The following PDE1A variants were observed in gnomAD, a reference collection of about 807,000 sequenced individuals.
The protein encoded by PDE1A is dual specificity calcium/calmodulin-dependent 3',5'-cyclic nucleotide phosphodiesterase 1A.
A neutral mutation model predicts 61.7 loss-of-function variants in PDE1A; 35 were observed. The ratio of observed to expected loss-of-function variants is 0.57; its 90% CI spans 0.43 to 0.75. The LOEUF (loss-of-function observed/expected upper bound fraction) is 0.75, where lower values mean the gene tolerates loss of function less well. Ranked by LOEUF, PDE1A falls within the 30% of genes least tolerant of loss-of-function variation. PDE1A has a pLI of 0.00. For missense variants in PDE1A, 597 were observed against 630.6 expected, an observed-to-expected ratio of 0.95 and a Z score of 0.57; for synonymous variants, 232 against 213.2, an observed-to-expected ratio of 1.09 and a Z score of -0.77.
chr2:182,483,134 T>C (rs964101834), intron 2 of PDE1A, among the ~76,000 whole-genome samples: 3 of 151,864 alleles, frequency 2.0e-5, no homozygotes, highest in African/African-American at 4.8e-5. Context: ...CAGGACAATA[T>C]AGCAATCATA....
intron 1 of PDE1A, among the ~76,000 whole-genome samples, chr2:182,402,027 CACAA>C (rs1702028558): frequency 1.3e-5 from 2 of 152,164 alleles, no homozygotes; most frequent in East Asian, 3.9e-4. Flanking sequence ...TATGAGAAGA[CACAA>C]ACAAATGGAT....
chr2:182,626,802 CATATATATATACATATATATAT>C, the PDE1A span, among the ~76,000 whole-genome samples: 1 of 5,406 alleles, frequency 1.8e-4, no homozygotes, highest in South Asian at 4.5e-3. Context: ...CATATATATA[CATATATATATACATATATATAT>C]ACATATATAT....
the PDE1A span, among the ~76,000 whole-genome samples, chr2:182,555,877 G>T: frequency 6.9e-6 from 1 of 144,196 alleles, no homozygotes; most frequent in Non-Finnish European, 1.5e-5. Context: ...TGAGGCAGGA[G>T]AATCGCTTGG....
intron 2 of PDE1A, among the ~76,000 whole-genome samples, chr2:182,481,622 A>C (rs1381037772): frequency 6.6e-6 from 1 of 151,952 alleles, no homozygotes; most frequent in Non-Finnish European, 1.5e-5. Flanking sequence ...ACCTGATTTA[A>C]AGCACAGTAC....
intron 2 of PDE1A, among the ~76,000 whole-genome samples, chr2:182,450,748 T>C (rs992774302): frequency 6.6e-6 from 1 of 151,942 alleles, no homozygotes; most frequent in Middle Eastern, 3.4e-3. Flanking sequence ...CTGTATGACC[T>C]GGTAGCTTTT....
At chr2:182,635,947 ATTTTTTTTTTTTT>A in the PDE1A span, among the ~76,000 whole-genome samples, 1 of 55,272 alleles carries the variant, frequency 1.8e-5, no homozygotes, top group Non-Finnish European at 3.2e-5. Flanking sequence ...TCTCACCGGT[ATTTTTTTTTTTTT>A]TTTTTTTTTT....
chr2:182,633,394 G>A, the PDE1A span, among the ~76,000 whole-genome samples: 16 of 152,048 alleles, frequency 1.1e-4, no homozygotes, highest in Admixed American at 3.9e-4. Context: ...TATTCTCCTC[G>A]GACTCCCCAC....
At chr2:182,520,358 C>A (rs1017891712) in intron 2 of PDE1A, among the ~76,000 whole-genome samples, 4 of 151,842 alleles carry the variant, frequency 2.6e-5, no homozygotes, top group African/African-American at 4.8e-5. Context: ...AATGAAAAAG[C>A]AGTCATTTTA....
At chr2:182,613,333 C>T in the PDE1A span, among the ~76,000 whole-genome samples, 1 of 152,170 alleles carries the variant, frequency 6.6e-6, no homozygotes, top group East Asian at 1.9e-4. Flanking sequence ...GAGGCCGAGG[C>T]GAGTGGATCA....
rs370110830 is a variant in PDE1A, at chr2:182,315,870, T to C, written c.54-51456A>G. ...CATTTTGCCCTTAAAGGGTTTGCAGTGTTAAGAGCACCAAGAAAGAGCATC... is the reference window on the plus strand; with the variant it reads ...CATTTTGCCCTTAAAGGGTTTGCAGCGTTAAGAGCACCAAGAAAGAGCATC... On this transcript the variant is annotated intron_variant, in intron 1 of 13. Transcript: ENST00000351439. 3.3e-5 allele frequency among the ~76,000 whole-genome samples: 5 copies of C among 152,258 alleles called. No homozygotes were observed. In the East Asian group the frequency reaches 5.8e-4, roughly 18 times the overall value.
At chr2:182,283,850 T>C (rs1693984395) in intron 1 of PDE1A, among the ~76,000 whole-genome samples, 1 of 152,118 alleles carries the variant, frequency 6.6e-6, no homozygotes, top group African/African-American at 2.4e-5. Flanking sequence ...ATGAAAAGCG[T>C]CATGGCTTGT....
chr2:182,540,385 AGCAGCAGCAGCAGCAGCAGC>A, the PDE1A span, among the ~76,000 whole-genome samples: 1 of 50,632 alleles, frequency 2.0e-5, no homozygotes, highest in Non-Finnish European at 4.8e-5. Flanking sequence ...AAAAAAAAAA[AGCAGCAGCAGCAGCAGCAGC>A]AGCAGCAGCA....
At chr2:182,450,596 C>A (rs147870675) in intron 2 of PDE1A, among the ~76,000 whole-genome samples, 81 of 151,624 alleles carry the variant, frequency 5.3e-4, no homozygotes, top group Middle Eastern at 6.9e-3. Context: ...TGAAAATTCC[C>A]TGCAGTTTGA....
At chr2:182,567,796 T>A in the PDE1A span, among the ~76,000 whole-genome samples, 1 of 150,498 alleles carries the variant, frequency 6.6e-6, no homozygotes, top group Non-Finnish European at 1.5e-5. Context: ...TTTTTCTTTT[T>A]TCTTTTTTTT....
chr2:182,403,416 G>C (rs371444876), intron 1 of PDE1A, among the ~76,000 whole-genome samples: 4 of 151,964 alleles, frequency 2.6e-5, no homozygotes, highest in East Asian at 1.9e-4. Context: ...TGGCTAACAC[G>C]GTGAAACCCC....
the PDE1A span, among the ~76,000 whole-genome samples, chr2:182,643,896 C>T: frequency 9.2e-5 from 14 of 151,908 alleles, no homozygotes; most frequent in African/African-American, 3.1e-4. Flanking sequence ...ATGTGGATGG[C>T]TTATTAATTA....
intron 1 of PDE1A, among the ~76,000 whole-genome samples, chr2:182,373,310 A>G (rs894503353): frequency 6.2e-4 from 95 of 152,320 alleles, no homozygotes; most frequent in African/African-American, 2.3e-3. Context: ...CTTCAATAAA[A>G]TGGTGGAAGG....
intron 1 of PDE1A, among the ~76,000 whole-genome samples, chr2:182,413,359 C>A (rs1046258707): frequency 6.6e-6 from 1 of 151,946 alleles, no homozygotes; most frequent in Non-Finnish European, 1.5e-5. Flanking sequence ...TTTTAAATAT[C>A]ATTAAATTTT....
the PDE1A span, among the ~76,000 whole-genome samples, chr2:182,546,408 G>A: frequency 6.6e-6 from 1 of 152,086 alleles, no homozygotes; most frequent in African/African-American, 2.4e-5. Flanking sequence ...TCTGCTGTGG[G>A]AGGAAAGAAG....
Sources: allele counts gnomAD v4.1 joint callset (sites outside exome capture counted in the v4.1 genomes callset), GRCh38; gene constraint gnomAD v4.1.1; transcripts MANE v1.5; gene names NCBI Gene and HGNC (gene_info 2026-07-23, HGNC 2026-07-21).